The following KCNIP4 variants were observed in gnomAD, a reference collection of about 807,000 sequenced individuals.
KCNIP4 encodes the protein potassium voltage-gated channel interacting protein 4.
KCNIP4 carries 12 observed loss-of-function variants against 34.0 expected under a neutral mutation model. The observed-to-expected ratio is 0.35, with a 90% confidence interval of 0.23 to 0.57. The LOEUF is 0.57. Among genes scored for constraint, KCNIP4 ranks in the 20% least tolerant of loss-of-function variants. KCNIP4 has a pLI of 0.83. For synonymous variants in KCNIP4, 124 were observed against 102.2 expected (o/e 1.21, Z -1.29); for missense variants, 238 against 311.7 (o/e 0.76, Z 1.78).
At chr4:21,171,819 C>T (rs1754042465) in intron 1 of KCNIP4, among the ~76,000 whole-genome samples, 1 of 152,148 alleles carries the variant, frequency 6.6e-6, no homozygotes. Flanking sequence ...TTGCTCAGTT[C>T]ATGGTAGCTC....
chr4:21,400,540 C>A (rs1346174156), intron 1 of KCNIP4, among the ~76,000 whole-genome samples: 12 of 97,446 alleles, frequency 1.2e-4, no homozygotes, highest in Middle Eastern at 4.8e-3. Context: ...CTTCTCTTCT[C>A]TTCTCTTCTC....
chr4:21,422,411 G>T (rs1474038330), intron 1 of KCNIP4, among the ~76,000 whole-genome samples: 3 of 152,068 alleles, frequency 2.0e-5, no homozygotes, highest in East Asian at 1.9e-4. Context: ...ATGTTGGCCA[G>T]GCTGGTCTCC....
chr4:21,333,775 C>T lies in KCNIP4; in HGVS notation c.62-451066G>A, dbSNP rs113948382. On this transcript the variant is annotated intron_variant, in intron 1 of 8. Transcript: ENST00000382152. ...AAAAAAAATCAATAAAAATCTTCTA[C>T]ATAAACCTGCCGTAATAAATTAAAG... Among the ~76,000 whole-genome samples, 5 of 152,120 alleles carry T rather than the reference C, an allele frequency of 3.3e-5. 1 individual carries two copies. The highest frequency in any genetic ancestry group is 1.2e-4 in the African/African-American group (5 of 41,540).
At chr4:21,016,698 C>T (rs565052988) in intron 1 of KCNIP4, among the ~76,000 whole-genome samples, 14 of 151,978 alleles carry the variant, frequency 9.2e-5, no homozygotes, top group East Asian at 1.9e-4. Flanking sequence ...CTGCAACCTC[C>T]GCCTTCTGGG....
chr4:21,672,556 A>T (rs1205863544), intron 1 of KCNIP4, among the ~76,000 whole-genome samples: 1 of 152,084 alleles, frequency 6.6e-6, no homozygotes, highest in Non-Finnish European at 1.5e-5. Flanking sequence ...GTTTTTACAT[A>T]TTTTTCATTG....
chr4:20,945,501 G>C (rs996121931), intron 1 of KCNIP4, among the ~76,000 whole-genome samples: 1 of 152,068 alleles, frequency 6.6e-6, no homozygotes, highest in Non-Finnish European at 1.5e-5. Context: ...ATATATGAAA[G>C]CATTTTATTT....
In KCNIP4 at chr4:20,756,851, A is replaced by G. The variant is rs1055611959; in HGVS notation, c.358+1970T>C. Among the ~76,000 whole-genome samples, 6 of 151,566 alleles carry G rather than the reference A, an allele frequency of 4.0e-5. No individual in the cohort carries two copies. In the East Asian group the frequency reaches 9.8e-4, roughly 25 times the overall value. On this transcript the variant is annotated intron_variant, in intron 4 of 8. Coordinates refer to ENST00000382152, the MANE Select transcript of KCNIP4 (RefSeq NM_025221.6). ...TCTCCTTTGTTGATCCCTTTTCCTTATGGTTCTTGACATGTGTTCTGGAGT... is the reference window on the plus strand; with the variant it reads ...TCTCCTTTGTTGATCCCTTTTCCTTGTGGTTCTTGACATGTGTTCTGGAGT...
intron 1 of KCNIP4, among the ~76,000 whole-genome samples, chr4:20,956,617 AAAC>A (rs1269696426): frequency 6.6e-6 from 1 of 152,254 alleles, no homozygotes; most frequent in Non-Finnish European, 1.5e-5. Context: ...CAGAAGAATA[AAAC>A]AATAGATTAA....
intron 3 of KCNIP4, among the ~76,000 whole-genome samples, chr4:20,796,271 C>T (rs144003324): frequency 6.6e-6 from 1 of 152,162 alleles, no homozygotes; most frequent in Non-Finnish European, 1.5e-5. Context: ...CTAATGCCAC[C>T]CAGTTGGAAG....
intron 1 of KCNIP4, among the ~76,000 whole-genome samples, chr4:21,581,230 A>G (rs1179345997): frequency 2.0e-5 from 3 of 151,846 alleles, no homozygotes; most frequent in African/African-American, 7.2e-5. Context: ...ACAAACAAGC[A>G]GGAGGTCTGT....
At chr4:20,796,194 T>C (rs1305982141) in intron 3 of KCNIP4, among the ~76,000 whole-genome samples, 2 of 152,212 alleles carry the variant, frequency 1.3e-5, no homozygotes, top group African/African-American at 2.4e-5. Context: ...ACTTAGTATA[T>C]ATCTATTAAG....
intron 1 of KCNIP4, among the ~76,000 whole-genome samples, chr4:21,861,153 A>G (rs999532755): frequency 2.6e-5 from 4 of 152,244 alleles, no homozygotes; most frequent in Non-Finnish European, 5.9e-5. Flanking sequence ...TGCTCATTCT[A>G]GCAAGGCTTT....
chr4:20,880,171 A>G (rs1405180167), intron 2 of KCNIP4, among the ~76,000 whole-genome samples: 1 of 152,208 alleles, frequency 6.6e-6, no homozygotes, highest in Non-Finnish European at 1.5e-5. Flanking sequence ...GAAAAAAGAT[A>G]TTACTAGTTA....
chr4:21,466,018 A>G (rs1577405650), intron 1 of KCNIP4, among the ~76,000 whole-genome samples: 1 of 152,086 alleles, frequency 6.6e-6, no homozygotes, highest in Non-Finnish European at 1.5e-5. Context: ...GACTGCTATG[A>G]ATGAACTGAC....
intron 1 of KCNIP4, among the ~76,000 whole-genome samples, chr4:21,909,914 C>G (rs1728208038): frequency 6.6e-6 from 1 of 151,976 alleles, no homozygotes; most frequent in Non-Finnish European, 1.5e-5. Flanking sequence ...GGAAACTGCC[C>G]CCATGATTCA....
At chr4:21,914,362 T>C (rs922485900) in intron 1 of KCNIP4, among the ~76,000 whole-genome samples, 1 of 152,114 alleles carries the variant, frequency 6.6e-6, no homozygotes, top group Admixed American at 6.6e-5. Flanking sequence ...AATAGTCTAG[T>C]GGACCACGTT....
At chr4:21,364,020 G>A (rs934181460) in intron 1 of KCNIP4, among the ~76,000 whole-genome samples, 2 of 152,078 alleles carry the variant, frequency 1.3e-5, no homozygotes, top group African/African-American at 4.8e-5. Flanking sequence ...TAAGCTTATA[G>A]GTTAAAAGTT....
At chr4:21,906,993 A>G (rs929581433) in intron 1 of KCNIP4, among the ~76,000 whole-genome samples, 1 of 152,196 alleles carries the variant, frequency 6.6e-6, no homozygotes, top group African/African-American at 2.4e-5. Context: ...TCAATGTTTT[A>G]GTATATCACA....
At chr4:20,969,938 T>C (rs1734757655) in intron 1 of KCNIP4, among the ~76,000 whole-genome samples, 1 of 148,982 alleles carries the variant, frequency 6.7e-6, no homozygotes, top group Non-Finnish European at 1.5e-5. Context: ...ATGAAAATAT[T>C]ATCAGCAGTT....
Sources: allele counts gnomAD v4.1 joint callset (sites outside exome capture counted in the v4.1 genomes callset), GRCh38; gene constraint gnomAD v4.1.1; transcripts MANE v1.5; gene names NCBI Gene and HGNC (gene_info 2026-07-23, HGNC 2026-07-21).